The following AGMO variants were observed in gnomAD, a reference collection of about 807,000 sequenced individuals.
The protein encoded by AGMO is glyceryl-ether monooxygenase.
Under a neutral mutation model 60.2 loss-of-function variants are expected in AGMO, and 75 were observed. The ratio of observed to expected loss-of-function variants is 1.25; its 90% CI spans 1.03 to 1.51. The LOEUF (loss-of-function observed/expected upper bound fraction) is 1.51, where lower values mean the gene tolerates loss of function less well. Ranked by LOEUF, AGMO falls within the 40% of genes most tolerant of loss-of-function variation. The probability of loss-of-function intolerance (pLI) is 0.00; values close to 1 mark genes in which losing one functional copy is unlikely to be tolerated. For missense variants in AGMO, 763 were observed against 525.5 expected, an observed-to-expected ratio of 1.45 and a Z score of -4.42; for synonymous variants, 261 against 177.1, an observed-to-expected ratio of 1.47 and a Z score of -3.76.
intron 3 of AGMO, among the ~76,000 whole-genome samples, chr7:15,539,361 G>A (rs188837765): frequency 1.3e-5 from 2 of 152,136 alleles, no homozygotes; most frequent in East Asian, 3.9e-4. Flanking sequence ...TGTTCTCGTT[G>A]TATAGCTCCC....
At chr7:15,186,499 C>A in the AGMO span, among the ~76,000 whole-genome samples, 2 of 152,076 alleles carry the variant, frequency 1.3e-5, no homozygotes, top group Admixed American at 1.3e-4. Context: ...GCCACATGAA[C>A]AAATGGCTGC....
At chr7:15,388,951 A>G (rs1312801189) in intron 8 of AGMO, among the ~76,000 whole-genome samples, 1 of 152,222 alleles carries the variant, frequency 6.6e-6, no homozygotes, top group African/African-American at 2.4e-5. Flanking sequence ...TGAACCTAAC[A>G]GTTTCAGCAG....
chr7:15,397,311 C>T (rs1190843538), intron 5 of AGMO, among the ~76,000 whole-genome samples: 1 of 151,800 alleles, frequency 6.6e-6, no homozygotes, highest in Non-Finnish European at 1.5e-5. Context: ...CGCGGTCCAC[C>T]GAACCCGCAG....
chr7:15,282,541 C>T (rs1226558290), intron 12 of AGMO, among the ~76,000 whole-genome samples: 2 of 151,866 alleles, frequency 1.3e-5, no homozygotes, highest in East Asian at 1.9e-4. Flanking sequence ...AAAAAAGAAT[C>T]AAAAGAAATG....
At chr7:15,191,448 G>C in the AGMO span, among the ~76,000 whole-genome samples, 12 of 152,078 alleles carry the variant, frequency 7.9e-5, no homozygotes, top group Non-Finnish European at 1.5e-4. Flanking sequence ...GGGAGTAACA[G>C]GTGTTTTGAT....
At chr7:15,228,446 A>G (rs1169034503) in intron 12 of AGMO, among the ~76,000 whole-genome samples, 1 of 152,132 alleles carries the variant, frequency 6.6e-6, no homozygotes, top group Non-Finnish European at 1.5e-5. Context: ...GATGTATGGA[A>G]GGAGAAGTAA....
At chr7:15,227,938 C>A (rs945032874) in intron 12 of AGMO, among the ~76,000 whole-genome samples, 1 of 152,050 alleles carries the variant, frequency 6.6e-6, no homozygotes, top group African/African-American at 2.4e-5. Flanking sequence ...GTATTGGCTT[C>A]TCGTGTGTTG....
At chr7:15,278,418 T>TATCCCATTCAATGGC (rs1223034734) in intron 12 of AGMO, among the ~76,000 whole-genome samples, 7 of 152,028 alleles carry the variant, frequency 4.6e-5, no homozygotes, top group Admixed American at 4.6e-4. Flanking sequence ...CAATGGCATG[T>TATCCCATTCAATGGC]ATGAGTCCTC....
At chr7:15,235,360 G>T (rs892283642) in intron 12 of AGMO, among the ~76,000 whole-genome samples, 1 of 152,122 alleles carries the variant, frequency 6.6e-6, no homozygotes, top group African/African-American at 2.4e-5. Flanking sequence ...CGAATGTGTA[G>T]TAAGTGTCCA....
chr7:15,400,979 T>C (rs1013842458), intron 5 of AGMO, among the ~76,000 whole-genome samples: 2 of 152,112 alleles, frequency 1.3e-5, no homozygotes, highest in African/African-American at 4.8e-5. Flanking sequence ...TGTAGAGACC[T>C]AAAAGGTTAA....
downstream of AGMO, among the ~76,000 whole-genome samples, chr7:15,197,545 T>C (rs909985970): frequency 6.6e-6 from 1 of 152,188 alleles, no homozygotes; most frequent in Non-Finnish European, 1.5e-5. Context: ...AATAATTTGA[T>C]GGAATGAGAT....
intron 8 of AGMO, among the ~76,000 whole-genome samples, chr7:15,389,496 G>C (rs894404082): frequency 6.6e-6 from 1 of 152,140 alleles, no homozygotes; most frequent in African/African-American, 2.4e-5. Flanking sequence ...GACACAGATA[G>C]AAATGCCATA....
At chr7:15,139,172 T>C in the AGMO span, among the ~76,000 whole-genome samples, 1 of 152,206 alleles carries the variant, frequency 6.6e-6, no homozygotes, top group Non-Finnish European at 1.5e-5. Context: ...CATATACTTC[T>C]AACTTTGTTT....
chr7:15,533,852 T>C (rs766688138), intron 3 of AGMO, among the ~76,000 whole-genome samples: 1 of 152,136 alleles, frequency 6.6e-6, no homozygotes, highest in Non-Finnish European at 1.5e-5. Flanking sequence ...CGTGTCTTCT[T>C]CATTCTTCAA....
rs1224902747 is a variant in AGMO, at chr7:15,201,197, A to G, written c.*88T>C. The G allele has an allele frequency of 3.9e-6, 3 of 767,674 alleles. No homozygotes were observed. Among genetic ancestry groups the G allele is most frequent in the South Asian group, 2.3e-5 (1 of 42,774 alleles). The allele number at this position is 767,674 out of a possible 1,614,324, so 47.6% of individuals were successfully genotyped here. ...CATTGAAGAAATAGTTCATATAAGC[A>G]TTACATAAAATAATTACATTTTAAT... On this transcript the variant is annotated 3_prime_UTR_variant, in exon 13 of 13. Coordinates refer to ENST00000342526, the MANE Select transcript of AGMO (RefSeq NM_001004320.2).
At chr7:15,368,500 A>C (rs1783073127) in intron 10 of AGMO, among the ~76,000 whole-genome samples, 1 of 152,136 alleles carries the variant, frequency 6.6e-6, no homozygotes, top group Non-Finnish European at 1.5e-5. Context: ...CCTATCACCC[A>C]TGTAAACATG....
intron 3 of AGMO, among the ~76,000 whole-genome samples, chr7:15,533,977 G>C (rs1784427301): frequency 6.6e-6 from 1 of 151,988 alleles, no homozygotes; most frequent in African/African-American, 2.4e-5. Context: ...AAGATTTGCA[G>C]ATTTCGAGAG....
At chr7:15,397,297 A>G (rs1243057157) in intron 5 of AGMO, among the ~76,000 whole-genome samples, 2 of 151,760 alleles carry the variant, frequency 1.3e-5, no homozygotes, top group African/African-American at 4.8e-5. Context: ...GGCCGCGCCC[A>G]GTGCGCGGTC....
rs187832040 is a variant in AGMO at position 15,388,148 on chromosome 7, G to C, written c.823-608C>G. 1.2e-3 allele frequency among the ~76,000 whole-genome samples: 185 copies of C among 152,206 alleles called. 1 individual carries two copies. The highest frequency in any genetic ancestry group is 4.4e-3 in the African/African-American group (181 of 41,532). On this transcript the variant is annotated intron_variant, in intron 8 of 12. Coordinates refer to ENST00000342526, the MANE Select transcript of AGMO (RefSeq NM_001004320.2). The stretch of plus-strand genomic sequence containing the variant: ...ATTTGTGATTTTGCTAGTTTTCAAT[G>C]AGTTGAACCATTAAGATTATAAAAA...
Sources: gnomAD v4.1 joint callset for allele counts (sites outside exome capture counted in the v4.1 genomes callset) on GRCh38, gnomAD v4.1.1 for gene constraint, MANE v1.5 for transcripts, NCBI Gene and HGNC (gene_info 2026-07-23, HGNC 2026-07-21) for gene names.